The following AKT3 variants were observed in gnomAD, a reference collection of about 807,000 sequenced individuals.
AKT3 encodes the protein AKT serine/threonine kinase 3.
A neutral mutation model predicts 65.3 loss-of-function variants in AKT3; 15 were observed. The ratio of observed to expected loss-of-function variants is 0.23; its 90% CI spans 0.15 to 0.35. AKT3 has a LOEUF of 0.35. Among genes scored for constraint, AKT3 ranks in the 10% least tolerant of loss-of-function variants. AKT3 has a pLI of 1.00. For missense variants in AKT3, 243 were observed against 576.5 expected, an observed-to-expected ratio of 0.42 and a Z score of 5.92; for synonymous variants, 206 against 183.8, an observed-to-expected ratio of 1.12 and a Z score of -0.98.
chr1:243,550,506 A>C (rs1672973715), intron 11 of AKT3, among the ~76,000 whole-genome samples: 1 of 152,108 alleles, frequency 6.6e-6, no homozygotes. Flanking sequence ...CATGAAAACC[A>C]CAAGTACATT....
At chr1:243,756,778 A>G (rs1284885047) in intron 2 of AKT3, among the ~76,000 whole-genome samples, 1 of 152,238 alleles carries the variant, frequency 6.6e-6, no homozygotes, top group Non-Finnish European at 1.5e-5. Context: ...TTAGAAAATA[A>G]TAACAAAGGA....
intron 11 of AKT3, chr1:243,547,109 G>C (rs1192518254): frequency 6.6e-6 from 1 of 152,072 alleles, no homozygotes; most frequent in Non-Finnish European, 1.5e-5. Context: ...AGTAAGTGCA[G>C]CCCCAACTCA....
intron 11 of AKT3, among the ~76,000 whole-genome samples, chr1:243,549,769 C>T (rs1050012995): frequency 6.6e-6 from 1 of 152,126 alleles, no homozygotes; most frequent in Non-Finnish European, 1.5e-5. Context: ...GATCCTCACT[C>T]ATCTAATCTG....
At chr1:243,766,363 A>G (rs1427853778) in intron 2 of AKT3, among the ~76,000 whole-genome samples, 2 of 152,208 alleles carry the variant, frequency 1.3e-5, no homozygotes, top group African/African-American at 4.8e-5. Context: ...ATAATTTTAA[A>G]TTGCAATTAG....
intron 3 of AKT3, among the ~76,000 whole-genome samples, chr1:243,673,747 G>T (rs320321): frequency 0.83 from 126,195 of 151,650 alleles, 52,691 homozygotes; most frequent in Non-Finnish European, 0.87. Flanking sequence ...CCGGAGTAGC[G>T]AGGACTACAG....
chr1:243,802,527 T>C (rs1314598673), intron 2 of AKT3, among the ~76,000 whole-genome samples: 2 of 152,188 alleles, frequency 1.3e-5, no homozygotes, highest in African/African-American at 4.8e-5. Flanking sequence ...GTTCTTAAAG[T>C]TTAGCAAGTT....
chr1:243,764,263 CATT>C (rs1403143986), intron 2 of AKT3, among the ~76,000 whole-genome samples: 9 of 152,020 alleles, frequency 5.9e-5, no homozygotes, highest in African/African-American at 1.4e-4. Flanking sequence ...TGTCATTTGT[CATT>C]ATTAATATTC....
chr1:243,518,413 T>G (rs768947068), intron 12 of AKT3, among the ~76,000 whole-genome samples: 7 of 152,188 alleles, frequency 4.6e-5, no homozygotes, highest in Non-Finnish European at 8.8e-5. Context: ...GGCAGGCAGA[T>G]CAGGAGTTTG....
At chr1:243,668,502 G>A (rs1245313400) in intron 3 of AKT3, among the ~76,000 whole-genome samples, 1 of 151,900 alleles carries the variant, frequency 6.6e-6, no homozygotes, top group African/African-American at 2.4e-5. Context: ...GATCCATCAG[G>A]CTTTGAAGAA....
At chr1:243,545,391 G>A (rs990364636) in intron 12 of AKT3, 119 bp downstream of exon 12, 19 of 544,218 alleles carry the variant, frequency 3.5e-5, no homozygotes, top group Middle Eastern at 9.4e-4. Context: ...CTTAAATGTC[G>A]GTAAAATGGA....
At chr1:243,529,759 C>T (rs80314605) in intron 12 of AKT3, among the ~76,000 whole-genome samples, 1,524 of 152,148 alleles carry the variant, frequency 0.01, 18 homozygotes, top group African/African-American at 0.035. Context: ...CTTAGTATTG[C>T]CTTGGCTATT....
At chr1:243,666,005 T>TTTGC (rs1255792008) in intron 3 of AKT3, among the ~76,000 whole-genome samples, 1 of 149,774 alleles carries the variant, frequency 6.7e-6, no homozygotes, top group African/African-American at 2.5e-5. Flanking sequence ...TAGCTGTGTT[T>TTTGC]TTGTTTGTTT....
At chr1:243,521,306 G>C (rs1356150998) in intron 12 of AKT3, among the ~76,000 whole-genome samples, 1 of 152,196 alleles carries the variant, frequency 6.6e-6, no homozygotes, top group Non-Finnish European at 1.5e-5. Context: ...ATTTCCCAGA[G>C]ACAGTAATCT....
At chr1:243,720,110 C>T (rs1686784165) in intron 2 of AKT3, among the ~76,000 whole-genome samples, 1 of 152,140 alleles carries the variant, frequency 6.6e-6, no homozygotes, top group East Asian at 1.9e-4. Context: ...ATCAGGAGGT[C>T]AAGACCAGCC....
intron 2 of AKT3, among the ~76,000 whole-genome samples, chr1:243,763,519 C>G (rs1276707408): frequency 1.3e-5 from 2 of 151,998 alleles, no homozygotes; most frequent in Non-Finnish European, 2.9e-5. Context: ...TCACTACTGG[C>G]TTAAAAGCAT....
chr1:243,781,913 T>TCTGAGCCCAAGCAATCCTCCTACCTC, intron 2 of AKT3, among the ~76,000 whole-genome samples: 1 of 152,096 alleles, frequency 6.6e-6, no homozygotes, highest in South Asian at 2.1e-4. Context: ...GCCTCGACCT[T>TCTGAGCCCAAGCAATCCTCCTACCTC]CTGAGCCCAA....
chr1:243,493,962 C>T (rs568733538), intron 13 of AKT3, among the ~76,000 whole-genome samples: 246 of 152,088 alleles, frequency 1.6e-3, no homozygotes, highest in Non-Finnish European at 1.5e-3. Context: ...GGCTGCAAGG[C>T]GGAGCTGCTG....
At chr1:243,810,375 C>T (rs981102758) in intron 2 of AKT3, among the ~76,000 whole-genome samples, 2 of 152,154 alleles carry the variant, frequency 1.3e-5, no homozygotes, top group Admixed American at 6.5e-5. Context: ...ATACAAACTA[C>T]TATCAGAGAA....
chr1:243,708,544 GCAT>G (rs1685951746), intron 2 of AKT3, among the ~76,000 whole-genome samples: 1 of 151,872 alleles, frequency 6.6e-6, no homozygotes, highest in Non-Finnish European at 1.5e-5. Flanking sequence ...ACCTCAGTAA[GCAT>G]AATAATGCTG....
Sources: allele counts gnomAD v4.1 joint callset (sites outside exome capture counted in the v4.1 genomes callset), GRCh38; gene constraint gnomAD v4.1.1; transcripts MANE v1.5; gene names NCBI Gene and HGNC (gene_info 2026-07-23, HGNC 2026-07-21).